RBFOX1: variants seen among roughly 807,000 people sequenced by gnomAD.
RBFOX1 encodes RNA binding protein fox-1 homolog 1.
RBFOX1 carries 8 observed loss-of-function variants against 57.7 expected under a neutral mutation model. The observed-to-expected ratio is 0.14, with a 90% CI of 0.08 to 0.25. RBFOX1 has a LOEUF of 0.25. Ranked by LOEUF, RBFOX1 falls within the 10% of genes least tolerant of loss-of-function variation. RBFOX1 has a pLI of 1.00. For missense variants in RBFOX1, 611 were observed against 548.5 expected (o/e 1.11, Z -1.14); for synonymous variants, 326 against 222.4 (o/e 1.47, Z -4.15).
intron 4 of RBFOX1, among the ~76,000 whole-genome samples, chr16:7,324,133 C>T (rs542271732): frequency 6.6e-6 from 1 of 152,162 alleles, no homozygotes; most frequent in Non-Finnish European, 1.5e-5. Flanking sequence ...ATTTCTCCAA[C>T]TCATTTGTCC....
intron 11 of RBFOX1, among the ~76,000 whole-genome samples, chr16:7,645,664 A>G (rs902281188): frequency 1.3e-5 from 2 of 152,224 alleles, no homozygotes; most frequent in African/African-American, 4.8e-5. Flanking sequence ...TGGTGATTAG[A>G]CTTGTACATT....
intron 2 of RBFOX1, among the ~76,000 whole-genome samples, chr16:5,509,472 T>C (rs569897101): frequency 1.3e-5 from 2 of 152,304 alleles, no homozygotes; most frequent in Non-Finnish European, 2.9e-5. Context: ...TGACAAGCAC[T>C]GTGGCTGGCT....
intron 1 of RBFOX1, among the ~76,000 whole-genome samples, chr16:5,284,349 C>T (rs185306236): frequency 3.6e-4 from 55 of 152,116 alleles, no homozygotes; most frequent in African/African-American, 6.0e-4. Context: ...TTTTCTTTAG[C>T]GGTGACATTT....
chr16:7,310,718 G>C (rs2096287363), intron 4 of RBFOX1, among the ~76,000 whole-genome samples: 1 of 152,154 alleles, frequency 6.6e-6, no homozygotes, highest in African/African-American at 2.4e-5. Context: ...CACAGTCACT[G>C]AATCACACCT....
chr16:6,193,800 C>G (rs2097162565), intron 1 of RBFOX1, among the ~76,000 whole-genome samples: 1 of 151,954 alleles, frequency 6.6e-6, no homozygotes, highest in East Asian at 1.9e-4. Context: ...ACTGCACATC[C>G]CTCCTTCCTT....
chr16:6,303,666 A>G (rs2079092302), intron 1 of RBFOX1, among the ~76,000 whole-genome samples: 2 of 152,214 alleles, frequency 1.3e-5, no homozygotes, highest in East Asian at 1.9e-4. Flanking sequence ...TCATTGAGAA[A>G]TAGATTCAAA....
At chr16:7,166,050 G>A (rs901289563) in intron 4 of RBFOX1, among the ~76,000 whole-genome samples, 1 of 151,884 alleles carries the variant, frequency 6.6e-6, no homozygotes, top group Non-Finnish European at 1.5e-5. Context: ...ATCTCATTCT[G>A]TTGCCCAGGT....
intron 3 of RBFOX1, among the ~76,000 whole-genome samples, chr16:5,658,362 G>C (rs373214305): frequency 6.6e-6 from 1 of 152,152 alleles, no homozygotes. Context: ...AGGGGACCCA[G>C]GCTGTCCTTC....
chr16:7,509,302 G>C (rs928589456), intron 4 of RBFOX1, among the ~76,000 whole-genome samples: 2 of 151,860 alleles, frequency 1.3e-5, no homozygotes, highest in Admixed American at 6.6e-5. Flanking sequence ...AGGTCTATAG[G>C]GACAAAGATG....
chr16:5,386,996 A>G (rs902490257), intron 1 of RBFOX1, among the ~76,000 whole-genome samples: 2 of 152,220 alleles, frequency 1.3e-5, no homozygotes, highest in Non-Finnish European at 2.9e-5. Context: ...GGTTGCAGTG[A>G]GCCGAGATTG....
intron 3 of RBFOX1, among the ~76,000 whole-genome samples, chr16:5,718,168 T>G (rs757179757): frequency 3.0e-4 from 45 of 152,352 alleles, no homozygotes; most frequent in Non-Finnish European, 5.3e-4. Flanking sequence ...ATGATCCTCT[T>G]GAATAGCTGC....
At position 6,130,573 on chromosome 16, in the gene RBFOX1, A is replaced by T. The variant is rs190863280; in HGVS notation, c.-127+110581A>T. Among the ~76,000 whole-genome samples, 279 of 152,294 alleles carry T rather than the reference A, an allele frequency of 1.8e-3. 1 individual carries two copies. Among genetic ancestry groups the T allele is most frequent in the African/African-American group, 6.3e-3 (261 of 41,570 alleles). ...AGTGGACTAAACACTCCACTTAAAG[A>T]GCAGAGATTGTCAGACTATAATAAA... On this transcript the variant is annotated intron_variant, in intron 1 of 15. Coordinates refer to ENST00000550418, the MANE Select transcript of RBFOX1 (RefSeq NM_018723.4).
intron 2 of RBFOX1, among the ~76,000 whole-genome samples, chr16:6,610,047 A>C (rs1009102056): frequency 9.5e-6 from 1 of 104,846 alleles, no homozygotes; most frequent in African/African-American, 3.3e-5. Flanking sequence ...CAAAACAAAA[A>C]CCCACTAACA....
chr16:6,472,774 C>T (rs1011674625), intron 2 of RBFOX1, among the ~76,000 whole-genome samples: 2 of 152,008 alleles, frequency 1.3e-5, no homozygotes, highest in Non-Finnish European at 2.9e-5. Context: ...AGGCGTGCGC[C>T]ACCATGCCCA....
intron 3 of RBFOX1, among the ~76,000 whole-genome samples, chr16:5,621,121 T>C (rs1273622270): frequency 6.6e-6 from 1 of 152,204 alleles, no homozygotes; most frequent in East Asian, 1.9e-4. Flanking sequence ...ATTACAGGCG[T>C]TGAGCCAATG....
At chr16:7,250,261 G>A (rs1239242020) in intron 4 of RBFOX1, among the ~76,000 whole-genome samples, 1 of 152,184 alleles carries the variant, frequency 6.6e-6, no homozygotes, top group Non-Finnish European at 1.5e-5. Flanking sequence ...GCCATTAGGT[G>A]AAAAATAACA....
intron 3 of RBFOX1, among the ~76,000 whole-genome samples, chr16:5,841,253 C>A (rs771936337): frequency 7.9e-5 from 12 of 152,172 alleles, no homozygotes; most frequent in Non-Finnish European, 1.6e-4. Flanking sequence ...GGTGAATAAA[C>A]TTGCTTAGAT....
At chr16:7,486,117 C>CTTTTTTTTTT (rs61448458) in intron 4 of RBFOX1, among the ~76,000 whole-genome samples, 2 of 77,336 alleles carry the variant, frequency 2.6e-5, no homozygotes, top group South Asian at 5.9e-4. Flanking sequence ...GTGTTTGTGT[C>CTTTTTTTTTT]TTTTTTTTTT....
At position 7,586,423 on chromosome 16, in the gene RBFOX1, T is replaced by C. The variant is rs114868122; in HGVS notation, c.415-824T>C. Among the ~76,000 whole-genome samples the C allele has an allele frequency of 5.5e-3, 840 of 152,298 alleles. 6 individuals are homozygous for C. Among genetic ancestry groups the C allele is most frequent in the African/African-American group, 0.019 (794 of 41,570 alleles). ...TTGATGTACATTTCTCACTGGGACT[T>C]CCAGATTTCACAAATTTAAAAAATA... On this transcript the variant is annotated intron_variant, in intron 6 of 15. Transcript: ENST00000550418.
Sources: gnomAD v4.1 joint callset for allele counts (sites outside exome capture counted in the v4.1 genomes callset) on GRCh38, gnomAD v4.1.1 for gene constraint, MANE v1.5 for transcripts, NCBI Gene and HGNC (gene_info 2026-07-23, HGNC 2026-07-21) for gene names.